DGKB: variants seen among roughly 807,000 people sequenced by gnomAD.
DGKB encodes the protein 90 kDa diacylglycerol kinase.
In DGKB, 67 loss-of-function variants were observed where a neutral mutation model predicts 114.3. The observed-to-expected ratio is 0.59, with a 90% confidence interval of 0.48 to 0.72. The LOEUF is 0.72. Among genes scored for constraint, DGKB ranks in the 30% least tolerant of loss-of-function variants. The probability of loss-of-function intolerance (pLI) is 0.00; values close to 1 mark genes in which losing one functional copy is unlikely to be tolerated. For synonymous variants in DGKB, 398 were observed against 323.1 expected (o/e 1.23, Z -2.49); for missense variants, 907 against 975.2 (o/e 0.93, Z 0.93).
intron 1 of DGKB, among the ~76,000 whole-genome samples, chr7:14,892,555 T>C (rs1051426899): frequency 1.3e-5 from 2 of 151,160 alleles, no homozygotes; most frequent in Non-Finnish European, 3.0e-5. Context: ...ATTTACACAT[T>C]AAGGTAAATT....
chr7:14,452,309 C>G (rs11526188), intron 21 of DGKB, among the ~76,000 whole-genome samples: 17,596 of 151,854 alleles, frequency 0.12, 1,277 homozygotes, highest in East Asian at 0.22. Context: ...GTAAAACAAC[C>G]AGGGTAATTA....
intron 21 of DGKB, among the ~76,000 whole-genome samples, chr7:14,373,148 C>T (rs1257651204): frequency 2.0e-5 from 3 of 152,126 alleles, no homozygotes; most frequent in Admixed American, 6.6e-5. Context: ...TCATCTTGGA[C>T]CCTTGAATAA....
At chr7:14,828,650 G>A (rs1562647723) in intron 2 of DGKB, among the ~76,000 whole-genome samples, 1 of 152,054 alleles carries the variant, frequency 6.6e-6, no homozygotes, top group African/African-American at 2.4e-5. Context: ...TATTGGATTT[G>A]CTTGGGTTCT....
chr7:14,615,625 G>A (rs1806368781), intron 15 of DGKB, among the ~76,000 whole-genome samples: 2 of 151,758 alleles, frequency 1.3e-5, no homozygotes, highest in Admixed American at 6.6e-5. Context: ...GAGCAATGAT[G>A]ATATTCCACA....
chr7:14,870,472 A>C (rs1279607564), intron 1 of DGKB, among the ~76,000 whole-genome samples: 2 of 152,212 alleles, frequency 1.3e-5, no homozygotes, highest in Non-Finnish European at 2.9e-5. Flanking sequence ...CTTAAGTACG[A>C]ACTTTTGTTA....
intron 21 of DGKB, among the ~76,000 whole-genome samples, chr7:14,398,048 T>C (rs1822516019): frequency 6.6e-6 from 1 of 151,804 alleles, no homozygotes; most frequent in Non-Finnish European, 1.5e-5. Context: ...AATATAAACA[T>C]TGGAATCACT....
chr7:14,345,465 C>G, intron 21 of DGKB, 74 bp from the exon 22 acceptor site: 2 of 736,948 alleles, frequency 2.7e-6, no homozygotes, highest in Non-Finnish European at 4.5e-6. Context: ...TGGTCTAACT[C>G]TGTCTTGTGT....
chr7:14,647,661 C>A (rs1158717528), intron 13 of DGKB, among the ~76,000 whole-genome samples: 1 of 152,070 alleles, frequency 6.6e-6, no homozygotes, highest in Non-Finnish European at 1.5e-5. Flanking sequence ...CGAATAGTAA[C>A]AGCTCGGGTC....
chr7:14,438,403 T>C (rs900239801), intron 21 of DGKB, among the ~76,000 whole-genome samples: 1 of 152,142 alleles, frequency 6.6e-6, no homozygotes, highest in African/African-American at 2.4e-5. Flanking sequence ...GTTAATTTTG[T>C]ACTCATGTTC....
At chr7:14,752,289 G>C (rs990381545) in intron 4 of DGKB, among the ~76,000 whole-genome samples, 1 of 151,780 alleles carries the variant, frequency 6.6e-6, no homozygotes. Flanking sequence ...ATTACTTTAG[G>C]CAGCAGCACT....
chr7:14,814,918 T>G (rs7779072), intron 2 of DGKB, among the ~76,000 whole-genome samples: 54,536 of 152,062 alleles, frequency 0.36, 13,039 homozygotes, highest in African/African-American at 0.67. Flanking sequence ...TGTGATCTAT[T>G]CCTTTTGCTC....
At chr7:14,372,187 T>A (rs1817769349) in intron 21 of DGKB, among the ~76,000 whole-genome samples, 1 of 152,150 alleles carries the variant, frequency 6.6e-6, no homozygotes, top group African/African-American at 2.4e-5. Flanking sequence ...AGACTCTCTG[T>A]CCCTCTCACC....
chr7:14,757,531 A>G (rs1051032396), intron 3 of DGKB, 124 bp downstream of exon 3: 4 of 573,158 alleles, frequency 7.0e-6, no homozygotes, highest in African/African-American at 2.0e-5. Context: ...TCATACATAT[A>G]TAATGTATAT....
chr7:14,602,678 A>G (rs545909952), intron 17 of DGKB, among the ~76,000 whole-genome samples: 1 of 152,274 alleles, frequency 6.6e-6, no homozygotes, highest in Admixed American at 6.5e-5. Flanking sequence ...GCAGATACCA[A>G]ATCTCCTGGC....
intron 1 of DGKB, among the ~76,000 whole-genome samples, chr7:14,882,388 A>G (rs1398256340): frequency 6.6e-6 from 1 of 152,038 alleles, no homozygotes; most frequent in African/African-American, 2.4e-5. Context: ...ATTATAGATT[A>G]GTAGGTAGTA....
At chr7:14,847,013 G>A (rs552659736) in intron 1 of DGKB, among the ~76,000 whole-genome samples, 6 of 152,254 alleles carry the variant, frequency 3.9e-5, no homozygotes, top group South Asian at 2.1e-4. Flanking sequence ...ATACTGGGCC[G>A]GGCGCGGTGG....
chr7:14,628,955 A>G (rs1809161690), intron 14 of DGKB, among the ~76,000 whole-genome samples: 1 of 152,108 alleles, frequency 6.6e-6, no homozygotes, highest in Non-Finnish European at 1.5e-5. Flanking sequence ...AAAAATATAT[A>G]AAAACAAAAA....
At chr7:14,194,106 A>G (rs183303199) in intron 23 of DGKB, among the ~76,000 whole-genome samples, 3 of 152,314 alleles carry the variant, frequency 2.0e-5, no homozygotes, top group Admixed American at 2.0e-4. Flanking sequence ...GTAGCAATAT[A>G]TACTAGTACA....
At chr7:14,553,265 A>C (rs1795372025) in intron 20 of DGKB, among the ~76,000 whole-genome samples, 1 of 152,196 alleles carries the variant, frequency 6.6e-6, no homozygotes, top group Non-Finnish European at 1.5e-5. Flanking sequence ...TTCCTTCAAA[A>C]TACTGAGGGC....
Sources: gnomAD v4.1 joint callset for allele counts (sites outside exome capture counted in the v4.1 genomes callset) on GRCh38, gnomAD v4.1.1 for gene constraint, MANE v1.5 for transcripts, NCBI Gene and HGNC (gene_info 2026-07-23, HGNC 2026-07-21) for gene names.